Variants in GPR158 observed in about 807,000 individuals in gnomAD.
GPR158 encodes metabotropic glycine receptor.
GPR158 carries 30 observed loss-of-function variants against 78.2 expected under a neutral mutation model. The ratio of observed to expected loss-of-function variants is 0.38; its 90% CI spans 0.29 to 0.52. GPR158 has a LOEUF of 0.52. Ranked by LOEUF, GPR158 falls within the 20% of genes least tolerant of loss-of-function variation. GPR158 has a pLI of 0.83. For missense variants in GPR158, 1,463 were observed against 1,523.5 expected (o/e 0.96, Z 0.66); for synonymous variants, 581 against 591.1 (o/e 0.98, Z 0.25).
chr10:25,299,502 C>T (rs1166619340), intron 2 of GPR158, among the ~76,000 whole-genome samples: 2 of 151,462 alleles, frequency 1.3e-5, no homozygotes, highest in Non-Finnish European at 2.9e-5. Flanking sequence ...TCTTTTTTTT[C>T]TCTGTCTGGC....
chr10:25,365,256 ATT>A (rs1855703301), intron 2 of GPR158, among the ~76,000 whole-genome samples: 1 of 8,390 alleles, frequency 1.2e-4, no homozygotes, highest in South Asian at 3.4e-3. Context: ...ACAATATTTA[ATT>A]TTCTCCCCAT....
intron 4 of GPR158, among the ~76,000 whole-genome samples, chr10:25,436,982 A>G (rs11014555): frequency 4.4e-4 from 67 of 152,294 alleles, no homozygotes; most frequent in Non-Finnish European, 5.6e-4. Flanking sequence ...CACAGAGACA[A>G]AAAGAGAGAG....
intron 5 of GPR158, among the ~76,000 whole-genome samples, chr10:25,468,873 G>T (rs575677212): frequency 6.6e-5 from 10 of 152,280 alleles, no homozygotes; most frequent in African/African-American, 2.2e-4. Context: ...ATGAGTTAAT[G>T]CAAACAATGA....
At chr10:25,296,903 T>C (rs1854523349) in intron 2 of GPR158, among the ~76,000 whole-genome samples, 1 of 152,198 alleles carries the variant, frequency 6.6e-6, no homozygotes, top group Admixed American at 6.5e-5. Flanking sequence ...AATAAGTCCA[T>C]TGAGTTAGAT....
At chr10:25,269,342 C>G (rs1019743653) in intron 2 of GPR158, among the ~76,000 whole-genome samples, 1 of 152,136 alleles carries the variant, frequency 6.6e-6, no homozygotes, top group South Asian at 2.1e-4. Flanking sequence ...AGAAGTTCTA[C>G]TTTATATCCT....
rs1430139460 is a variant in GPR158, at chr10:25,396,012, G to A, written c.1110G>A (p.Arg370=). Residue 370 remains arginine (R), a splice_region_variant and synonymous_variant, in exon 3 of 11, where the codon CGG becomes CGA. Coordinates refer to ENST00000376351, the MANE Select transcript of GPR158 (RefSeq NM_020752.3). ...GAGTCTTACCAGTGAACAACTTTCG[G>A]AGTAAGTGCCCTTTGTTTCTATGTA... The part of the protein sequence containing the change: ...HPGVLPVNNF[R]RRGPDQHISG... 4.1e-6 allele frequency: 6 copies of A among 1,471,482 alleles called. No individual in the cohort carries two copies. The highest frequency in any genetic ancestry group is 5.7e-6 in the Non-Finnish European group (6 of 1,050,148). The allele number at this position is 1,471,482 out of a possible 1,614,324, so 91.2% of individuals were successfully genotyped here.
chr10:25,364,442 A>G (rs1287215838), intron 2 of GPR158, among the ~76,000 whole-genome samples: 1 of 151,934 alleles, frequency 6.6e-6, no homozygotes, highest in Non-Finnish European at 1.5e-5. Context: ...TCCGTGAATA[A>G]TGATTTGAAG....
At chr10:25,338,674 A>G (rs943661626) in intron 2 of GPR158, among the ~76,000 whole-genome samples, 4 of 148,424 alleles carry the variant, frequency 2.7e-5, no homozygotes, top group African/African-American at 7.3e-5. Context: ...GTATCAATAC[A>G]TCACAGTAGT....
chr10:25,267,848 A>G (rs1336031609), intron 2 of GPR158, among the ~76,000 whole-genome samples: 1 of 152,138 alleles, frequency 6.6e-6, no homozygotes, highest in African/African-American at 2.4e-5. Context: ...TTTTTTAATA[A>G]TATTGTTTAT....
intron 4 of GPR158, among the ~76,000 whole-genome samples, chr10:25,447,225 A>G (rs1299844314): frequency 6.6e-6 from 1 of 152,210 alleles, no homozygotes; most frequent in Non-Finnish European, 1.5e-5. Context: ...ACACATATAT[A>G]TTTTATTAGT....
At chr10:25,464,265 G>GAA (rs1835394365) in intron 4 of GPR158, among the ~76,000 whole-genome samples, 1 of 152,178 alleles carries the variant, frequency 6.6e-6, no homozygotes, top group Non-Finnish European at 1.5e-5. Flanking sequence ...CTGCTACTGA[G>GAA]CCTACTGGAC....
At chr10:25,312,304 G>A (rs1013305782) in intron 2 of GPR158, among the ~76,000 whole-genome samples, 1 of 151,980 alleles carries the variant, frequency 6.6e-6, no homozygotes, top group African/African-American at 2.4e-5. Flanking sequence ...GAGTTATGTA[G>A]ATATTTCAAA....
intron 2 of GPR158, among the ~76,000 whole-genome samples, chr10:25,326,276 G>A (rs904161602): frequency 1.3e-5 from 2 of 152,174 alleles, no homozygotes; most frequent in African/African-American, 4.8e-5. Context: ...CCCTGCAAAG[G>A]ACATGATATT....
chr10:25,437,569 C>G (rs552814669), intron 4 of GPR158, among the ~76,000 whole-genome samples: 1 of 152,298 alleles, frequency 6.6e-6, no homozygotes, highest in East Asian at 1.9e-4. Flanking sequence ...AGTGCAGGAA[C>G]AACTGTCTAT....
At chr10:25,594,546 C>T (rs11818706) in intron 9 of GPR158, 149 bp downstream of exon 9, 106,419 of 467,892 alleles carry the variant, frequency 0.23, 16,659 homozygotes, top group African/African-American at 0.59. Flanking sequence ...GCTGTTTTCT[C>T]TTTGAATTTT....
At chr10:25,499,712 AAAG>A in intron 5 of GPR158, among the ~76,000 whole-genome samples, 1 of 152,228 alleles carries the variant, frequency 6.6e-6, no homozygotes, top group Non-Finnish European at 1.5e-5. Flanking sequence ...ACATGTGACA[AAAG>A]AAATAAATGA....
At chr10:25,289,969 G>A (rs1460913820) in intron 2 of GPR158, among the ~76,000 whole-genome samples, 1 of 152,136 alleles carries the variant, frequency 6.6e-6, no homozygotes, top group African/African-American at 2.4e-5. Context: ...GGTCCTGCAA[G>A]TCTTCATTAT....
In GPR158 at chr10:25,339,094, C is replaced by T. The variant is rs1230267930; in HGVS notation, c.1009-56817C>T. ...CCTGGAGTGCAGCTCAAGTGATTCT[C>T]CTGCCTCAGTCTTCCAAGTACCTGG... On this transcript the variant is annotated intron_variant, in intron 2 of 10. Coordinates refer to ENST00000376351, the MANE Select transcript of GPR158 (RefSeq NM_020752.3). Among the ~76,000 whole-genome samples the T allele has an allele frequency of 1.1e-4, 16 of 150,940 alleles. No homozygotes were observed. The East Asian group carries it at 2.7e-3, about 26-fold the overall frequency.
At chr10:25,423,394 T>TC (rs1441163520) in intron 4 of GPR158, among the ~76,000 whole-genome samples, 2 of 149,574 alleles carry the variant, frequency 1.3e-5, no homozygotes, top group East Asian at 3.9e-4. Context: ...TTTAGTTCTT[T>TC]TTTTTTTTTA....
Sources: allele counts gnomAD v4.1 joint callset (sites outside exome capture counted in the v4.1 genomes callset), GRCh38; gene constraint gnomAD v4.1.1; transcripts MANE v1.5; gene names NCBI Gene and HGNC (gene_info 2026-07-23, HGNC 2026-07-21).